The following SLC22A2 variants were observed in gnomAD, a reference collection of about 807,000 sequenced individuals.
The protein encoded by SLC22A2 is organic cation transporter 2.
In SLC22A2, 46 loss-of-function variants were observed where a neutral mutation model predicts 60.5. The ratio of observed to expected loss-of-function variants is 0.76; its 90% CI spans 0.60 to 0.97. The LOEUF (loss-of-function observed/expected upper bound fraction) is 0.97, where lower values mean the gene tolerates loss of function less well. Ranked by LOEUF, SLC22A2 falls within the 50% of genes least tolerant of loss-of-function variation. The probability of loss-of-function intolerance (pLI) is 0.00; values close to 1 mark genes in which losing one functional copy is unlikely to be tolerated. For synonymous variants in SLC22A2, 303 were observed against 267.0 expected (o/e 1.13, Z -1.31); for missense variants, 701 against 706.6 (o/e 0.99, Z 0.09).
chr6:160,216,929 T>C lies in SLC22A2; in HGVS notation c.*503A>G, dbSNP rs1346951420. ...TCTAACCTAGATAATAATCAATGTATTTTTAAAAATTTCTTCACCTGTGTT... is the reference window on the plus strand; with the variant it reads ...TCTAACCTAGATAATAATCAATGTACTTTTAAAAATTTCTTCACCTGTGTT... On this transcript the variant is annotated 3_prime_UTR_variant, in exon 11 of 11. Transcript: ENST00000366953. 1 of 152,162 alleles carries C rather than the reference T, an allele frequency of 6.6e-6. No individual in the cohort carries two copies. Among genetic ancestry groups the C allele is most frequent in the African/African-American group, 2.4e-5 (1 of 41,382 alleles). The allele number at this position is 152,162 out of a possible 1,614,324, so 9.4% of individuals were successfully genotyped here.
At chr6:160,247,331 A>T in intron 4 of SLC22A2, 33 bp from the exon 5 acceptor site, 1 of 1,125,612 alleles carries the variant, frequency 8.9e-7, no homozygotes, top group Non-Finnish European at 1.4e-6. Flanking sequence ...GGCAACTCTT[A>T]CTGAATCCTC....
In SLC22A2 at chr6:160,241,579, C is replaced by T; in HGVS notation, c.1396G>A (p.Gly466Ser). 2.5e-6 allele frequency: 4 copies of T among 1,609,082 alleles called. No homozygotes were observed. The highest frequency in any genetic ancestry group is 3.4e-6 in the Non-Finnish European group (4 of 1,175,644). The change falls in exon 9 of 11, where the codon GGC (glycine) becomes AGC (serine). Residue 466 changes from glycine (G) to serine (S), a missense_variant. Transcript: ENST00000366953. ...ELYPTFIRNL[G>S]VHICSSMCDI... is the part of the protein sequence containing the mutation. ...CACATTGAGGAACAGATGTGGACGC[C>T]AAGATTCCTAGAATGCAGGAAACTG...
chr6:160,247,908 G>C (rs758922001), intron 4 of SLC22A2, among the ~76,000 whole-genome samples: 4 of 152,156 alleles, frequency 2.6e-5, no homozygotes, highest in Non-Finnish European at 5.9e-5. Context: ...CTGGAGAAAG[G>C]AGATAATAGG....
At position 160,256,101 on chromosome 6, in the gene SLC22A2, C is replaced by T. The variant is rs866089447; in HGVS notation, c.518+513G>A. Among the ~76,000 whole-genome samples the T allele has an allele frequency of 3.2e-4, 49 of 152,216 alleles. 1 individual carries two copies. The highest frequency in any genetic ancestry group is 2.3e-3 in the South Asian group (11 of 4,820). On this transcript the variant is annotated intron_variant, in intron 2 of 10. Transcript: ENST00000366953. ...CTGTTTCCCTTTCTTTAAGTTATGG[C>T]TTCCACATATATGGTCATATATGGC...
At chr6:160,232,832 C>T (rs1333044213) in intron 9 of SLC22A2, among the ~76,000 whole-genome samples, 1 of 151,906 alleles carries the variant, frequency 6.6e-6, no homozygotes, top group African/African-American at 2.4e-5. Flanking sequence ...CTGACCACTC[C>T]CACCTACTCC....
At chr6:160,228,666 C>A (rs1782766784) in intron 9 of SLC22A2, among the ~76,000 whole-genome samples, 1 of 152,190 alleles carries the variant, frequency 6.6e-6, no homozygotes. Context: ...GGCCTCTGAG[C>A]CCAAGCTAAG....
chr6:160,242,189 C>T (rs1367140446), intron 8 of SLC22A2, 105 bp downstream of exon 8: 1 of 764,382 alleles, frequency 1.3e-6, no homozygotes, highest in Non-Finnish European at 2.4e-6. Context: ...CCTTCCCTTA[C>T]ACTGTGTTTT....
At chr6:160,222,456 A>C (rs1007334232) in intron 10 of SLC22A2, among the ~76,000 whole-genome samples, 14 of 152,244 alleles carry the variant, frequency 9.2e-5, no homozygotes, top group African/African-American at 3.4e-4. Flanking sequence ...TGGCTAGAGA[A>C]AGAAACTTCA....
At chr6:160,222,811 C>T (rs1782664831) in intron 10 of SLC22A2, among the ~76,000 whole-genome samples, 1 of 152,144 alleles carries the variant, frequency 6.6e-6, no homozygotes, top group South Asian at 2.1e-4. Context: ...CTACAAATTG[C>T]CAACAAGAGG....
chr6:160,256,708 C>T lies in SLC22A2; in HGVS notation c.424G>A (p.Val142Ile), dbSNP rs1439910894. The T allele has an allele frequency of 1.3e-5, 21 of 1,611,908 alleles. No individual in the cohort carries two copies. The highest frequency in any genetic ancestry group is 1.7e-5 in the Non-Finnish European group (20 of 1,178,224). Residue 142 changes from valine (V) to isoleucine (I), a missense_variant, in exon 2 of 11, where the codon GTA (valine) becomes ATA (isoleucine). Coordinates refer to ENST00000366953, the MANE Select transcript of SLC22A2 (RefSeq NM_003058.4). ...TCCAACATCCAGGAGTTGGCACATA[C>T]CAGGTTAAACTGCCAGCAGGGGAGA... ...GSSIVTEFNLVCANSWMLDLF... is the reference protein window; with the variant it reads ...GSSIVTEFNLICANSWMLDLF...
intron 5 of SLC22A2, among the ~76,000 whole-genome samples, chr6:160,246,923 A>G (rs1783104027): frequency 6.6e-6 from 1 of 152,256 alleles, no homozygotes; most frequent in Non-Finnish European, 1.5e-5. Context: ...TAAGTTGCAC[A>G]AGACAGAAGC....
intron 10 of SLC22A2, among the ~76,000 whole-genome samples, chr6:160,223,768 C>T (rs969109500): frequency 6.6e-6 from 1 of 152,116 alleles, no homozygotes; most frequent in African/African-American, 2.4e-5. Flanking sequence ...TGCTTTGTCG[C>T]CCAGGCTGGA....
intron 7 of SLC22A2, 103 bp downstream of exon 7, chr6:160,243,469 A>G: frequency 1.1e-6 from 1 of 925,330 alleles, no homozygotes; most frequent in Non-Finnish European, 1.7e-6. Flanking sequence ...GTCTTTCCAA[A>G]TTGATTTGGA....
At chr6:160,257,271 C>T (rs568454767) in intron 1 of SLC22A2, among the ~76,000 whole-genome samples, 26 of 152,334 alleles carry the variant, frequency 1.7e-4, no homozygotes, top group African/African-American at 6.3e-4. Flanking sequence ...CATTTAGCAT[C>T]TCCCTGCTGT....
At chr6:160,223,756 A>G (rs73602413) in intron 10 of SLC22A2, among the ~76,000 whole-genome samples, 2,888 of 152,226 alleles carry the variant, frequency 0.019, 107 homozygotes, top group African/African-American at 0.066. Context: ...AGACAAGAGT[A>G]TTGCTTTGTC....
rs1783142791 is a variant in SLC22A2 at position 160,249,202 on chromosome 6, C to G, written c.842+14G>C. The G allele has an allele frequency of 6.5e-7, 1 of 1,543,842 alleles. No homozygotes were observed. On this transcript the variant is annotated intron_variant, in intron 4 of 10. Coordinates refer to ENST00000366953, the MANE Select transcript of SLC22A2 (RefSeq NM_003058.4). ...TACTTTGATTTATTTCCTTTTTATT[C>G]CAAATGGACTTACCAGTAATAGAGC...
chr6:160,223,122 G>A (rs958663127), intron 10 of SLC22A2, among the ~76,000 whole-genome samples: 1 of 152,182 alleles, frequency 6.6e-6, no homozygotes, highest in Non-Finnish European at 1.5e-5. Flanking sequence ...GTTGTTTGTG[G>A]TATCAGCAGG....
chr6:160,219,899 C>T (rs1782620377), intron 10 of SLC22A2, among the ~76,000 whole-genome samples: 1 of 152,174 alleles, frequency 6.6e-6, no homozygotes, highest in Non-Finnish European at 1.5e-5. Context: ...TAACAATCAT[C>T]TGAACCTTCA....
intron 9 of SLC22A2, among the ~76,000 whole-genome samples, chr6:160,233,389 G>A (rs1782857301): frequency 6.6e-6 from 1 of 151,630 alleles, no homozygotes; most frequent in African/African-American, 2.4e-5. Context: ...GGTATTCAGT[G>A]GAACCTTCAT....
Sources: gnomAD v4.1 joint callset for allele counts (sites outside exome capture counted in the v4.1 genomes callset) on GRCh38, gnomAD v4.1.1 for gene constraint, MANE v1.5 for transcripts, NCBI Gene and HGNC (gene_info 2026-07-23, HGNC 2026-07-21) for gene names.